The following CCDC141 variants were observed in gnomAD, a reference collection of about 807,000 sequenced individuals.
CCDC141 encodes coiled-coil domain-containing protein 141.
A neutral mutation model predicts 181.0 loss-of-function variants in CCDC141; 168 were observed. That is an observed-to-expected ratio of 0.93 (90% CI 0.82 to 1.05). CCDC141 has a LOEUF of 1.05. Ranked by LOEUF, CCDC141 falls within the 50% of genes least tolerant of loss-of-function variation. The pLI, the probability that CCDC141 is intolerant of heterozygous loss-of-function variation, is 0.00. For missense variants in CCDC141, 1,902 were observed against 1,788.5 expected, an observed-to-expected ratio of 1.06 and a Z score of -1.14; for synonymous variants, 666 against 642.3, an observed-to-expected ratio of 1.04 and a Z score of -0.56.
At chr2:178,836,330 C>T (rs980565278) in intron 23 of CCDC141, 1 of 152,560 alleles carries the variant, frequency 6.6e-6, no homozygotes, top group Admixed American at 6.5e-5. Context: ...GAGTTTATTG[C>T]CTGTCACCTG....
intron 7 of CCDC141, among the ~76,000 whole-genome samples, chr2:178,912,574 A>G (rs1443100731): frequency 6.6e-6 from 1 of 152,206 alleles, no homozygotes; most frequent in African/African-American, 2.4e-5. Flanking sequence ...AAAGGTTTCT[A>G]AACACTACAC....
chr2:179,015,095 T>TATATATATATATATCATATC (rs2042410328), intron 2 of CCDC141, among the ~76,000 whole-genome samples: 1 of 34,776 alleles, frequency 2.9e-5, no homozygotes, highest in Non-Finnish European at 6.7e-5. Context: ...TATATATATA[T>TATATATATATATATCATATC]ATATATATAA....
At chr2:179,049,411 C>A (rs997807219) in intron 1 of CCDC141, among the ~76,000 whole-genome samples, 1 of 152,008 alleles carries the variant, frequency 6.6e-6, no homozygotes, top group Admixed American at 6.6e-5. Flanking sequence ...CCCTGTCTGT[C>A]GGGACCTGCC....
intron 7 of CCDC141, among the ~76,000 whole-genome samples, chr2:178,916,425 A>G (rs998531723): frequency 6.6e-6 from 1 of 151,936 alleles, no homozygotes; most frequent in African/African-American, 2.4e-5. Flanking sequence ...ATAAATAAAA[A>G]AGAAAAATAC....
rs528556884 is a variant in CCDC141, at chr2:178,996,941, A to G, written c.226-18266T>C. Among the ~76,000 whole-genome samples the G allele has an allele frequency of 3.2e-4, 49 of 152,358 alleles. 1 individual carries two copies. The highest frequency in any genetic ancestry group is 3.1e-3 in the South Asian group (15 of 4,812). On this transcript the variant is annotated intron_variant, in intron 2 of 23. Transcript: ENST00000443758. ...GGGATCAGAGGCCAGGTATGGCCCA[A>G]TGCTTCCCAAGACCTATCAAATACC...
chr2:178,846,583 C>T (rs976323713), intron 21 of CCDC141, among the ~76,000 whole-genome samples: 3 of 152,188 alleles, frequency 2.0e-5, no homozygotes, highest in African/African-American at 7.2e-5. Flanking sequence ...AACTCTAAAC[C>T]GAACTGGTTT....
At chr2:179,026,571 A>AG (rs1256311080) in intron 2 of CCDC141, among the ~76,000 whole-genome samples, 1 of 152,198 alleles carries the variant, frequency 6.6e-6, no homozygotes, top group Non-Finnish European at 1.5e-5. Flanking sequence ...GCAGTGCAGA[A>AG]GGGAAATGTG....
Position 178,972,077 on chromosome 2 carries a change from T to A in CCDC141, c.526+2980A>T, listed in dbSNP as rs906494296. ...ACCCCAGAACTTAAAATATATAATT[T>A]AAAAAAAAACCTAAATAAAAATAAA... On this transcript the variant is annotated intron_variant, in intron 4 of 23. Transcript: ENST00000443758. Among the ~76,000 whole-genome samples, 12 of 150,396 alleles carry A rather than the reference T, an allele frequency of 8.0e-5. No homozygotes were observed. In the East Asian group the frequency reaches 1.2e-3, roughly 15 times the overall value.
Position 178,918,798 on chromosome 2 carries a change from T to C in CCDC141, c.1007A>G (p.Gln336Arg). 2 of 1,550,668 alleles carry C rather than the reference T, an allele frequency of 1.3e-6. No homozygotes were observed. Among genetic ancestry groups the C allele is most frequent in the Non-Finnish European group, 1.7e-6 (2 of 1,147,004 alleles). ...GAGTTGACCAAATTCTTCTTGAAGC[T>C]GACTGAGTTTCTGGTGAGAGAGCTG... ...HLQLSHQKLS[Q>R]LQEEFGQLMV... The change falls in exon 7 of 24, where the codon CAG becomes CGG. Residue 336 changes from glutamine (Q) to arginine (R), a missense_variant. Coordinates refer to ENST00000443758, the MANE Select transcript of CCDC141 (RefSeq NM_173648.4).
At chr2:178,836,853 A>T (rs1259625333) in intron 23 of CCDC141, 41 bp downstream of exon 23, 8 of 1,566,192 alleles carry the variant, frequency 5.1e-6, no homozygotes, top group Non-Finnish European at 6.9e-6. Flanking sequence ...TCTGTGATTG[A>T]ATTTGTTTCC....
At chr2:178,967,785 C>T (rs908376151) in intron 4 of CCDC141, among the ~76,000 whole-genome samples, 8 of 152,134 alleles carry the variant, frequency 5.3e-5, no homozygotes, top group African/African-American at 1.9e-4. Flanking sequence ...AATTAAAAGA[C>T]ACATACTGGC....
chr2:178,820,289 AC>A, the CCDC141 span, among the ~76,000 whole-genome samples: 1 of 152,054 alleles, frequency 6.6e-6, no homozygotes, highest in Non-Finnish European at 1.5e-5. Context: ...GTTTGGCCAC[AC>A]CGGTGGAGAG....
chr2:179,035,350 CT>C (rs1371390669), intron 2 of CCDC141, among the ~76,000 whole-genome samples: 1 of 152,172 alleles, frequency 6.6e-6, no homozygotes, highest in Non-Finnish European at 1.5e-5. Flanking sequence ...TTGTTTTCTT[CT>C]GCCTGTGCCT....
At chr2:178,980,882 G>GA in intron 2 of CCDC141, among the ~76,000 whole-genome samples, 1 of 151,844 alleles carries the variant, frequency 6.6e-6, no homozygotes, top group Non-Finnish European at 1.5e-5. Flanking sequence ...AAAGCTGGAT[G>GA]AAAAAAAAGG....
At chr2:178,934,942 T>C (rs1295979991) in intron 6 of CCDC141, among the ~76,000 whole-genome samples, 2 of 152,160 alleles carry the variant, frequency 1.3e-5, no homozygotes. Flanking sequence ...CAAAATGTAA[T>C]ATGCTGCTTA....
Position 178,837,686 on chromosome 2 carries a change from G to A in CCDC141, c.3533C>T (p.Pro1178Leu). The A allele has an allele frequency of 6.2e-7, 1 of 1,613,952 alleles. No homozygotes were observed. The highest frequency in any genetic ancestry group is 8.5e-7 in the Non-Finnish European group (1 of 1,179,898). ...GINGTGEERL[P>L]QDLKVSTDKE... ...GTCAGTGGACACCTTCAGGTCTTGT[G>A]GTAGTCGCTCTTCCCCTGTTCCATT... The change falls in exon 23 of 24, where the codon CCA becomes CTA. Residue 1178 changes from proline (P) to leucine (L), a missense_variant. Physicochemically the swap from Pro to Leu is moderately conservative, Grantham distance 98 (BLOSUM62 -3). Coordinates refer to ENST00000443758, the MANE Select transcript of CCDC141 (RefSeq NM_173648.4).
the CCDC141 span, among the ~76,000 whole-genome samples, chr2:178,820,630 A>G: frequency 6.6e-6 from 1 of 152,218 alleles, no homozygotes; most frequent in Admixed American, 6.5e-5. Context: ...AATGAGATCT[A>G]AAGTTTTCAG....
intron 22 of CCDC141, among the ~76,000 whole-genome samples, chr2:178,838,153 G>T (rs1277503596): frequency 1.3e-5 from 2 of 152,168 alleles, no homozygotes; most frequent in Admixed American, 6.6e-5. Flanking sequence ...GACCATCAGA[G>T]ACTCCCTTGT....
intron 1 of CCDC141, among the ~76,000 whole-genome samples, chr2:179,048,686 T>A (rs1388472997): frequency 1.3e-5 from 2 of 152,140 alleles, no homozygotes; most frequent in African/African-American, 2.4e-5. Context: ...CTTCTTTTCA[T>A]CTCCTCTCTG....
Sources: allele counts gnomAD v4.1 joint callset (sites outside exome capture counted in the v4.1 genomes callset), GRCh38; gene constraint gnomAD v4.1.1; transcripts MANE v1.5; gene names NCBI Gene and HGNC (gene_info 2026-07-23, HGNC 2026-07-21).